Variants in GCLC observed in about 807,000 individuals in gnomAD.
GCLC encodes the protein glutamate-cysteine ligase catalytic subunit.
In GCLC, 30 loss-of-function variants were observed where a neutral mutation model predicts 81.5. The ratio of observed to expected loss-of-function variants is 0.37; its 90% CI spans 0.28 to 0.50. The LOEUF (loss-of-function observed/expected upper bound fraction) is 0.50. Among genes scored for constraint, GCLC ranks in the 20% least tolerant of loss-of-function variants. GCLC has a pLI of 0.96. For synonymous variants in GCLC, 262 were observed against 273.3 expected (o/e 0.96, Z 0.41); for missense variants, 556 against 777.4 (o/e 0.72, Z 3.39).
intron 1 of GCLC, among the ~76,000 whole-genome samples, chr6:53,543,502 C>G (rs556291991): frequency 6.6e-6 from 1 of 151,200 alleles, no homozygotes; most frequent in Non-Finnish European, 1.5e-5. Context: ...TGTAACAGCA[C>G]GTCAGCACTT....
At chr6:53,519,650 T>G (rs1025100482) in intron 3 of GCLC, among the ~76,000 whole-genome samples, 1 of 152,072 alleles carries the variant, frequency 6.6e-6, no homozygotes, top group Non-Finnish European at 1.5e-5. Flanking sequence ...GGGCCAATGA[T>G]TTTTCACCTC....
rs778685056 is a variant in GCLC, at chr6:53,499,010, A to G, written c.1703-43T>C. Reference sequence around the variant, plus strand: ...GCGAAAAAAAAATTAAAACCACGTAAGTTTTTTTTTTAATAAGTTGATATT... The same window carrying G: ...GCGAAAAAAAAATTAAAACCACGTAGGTTTTTTTTTTAATAAGTTGATATT... On this transcript the variant is annotated intron_variant, in intron 15 of 15. Transcript: ENST00000650454. 109 of 1,301,400 alleles carry G rather than the reference A, an allele frequency of 8.4e-5. 2 individuals carry two copies. The Middle Eastern group carries it at 1.6e-3, about 19-fold the overall frequency. 80.6% of individuals were successfully genotyped at this position (1,301,400 alleles called of 1,614,324 possible).
At chr6:53,523,507 GT>G (rs751415032) in intron 1 of GCLC, among the ~76,000 whole-genome samples, 12 of 152,148 alleles carry the variant, frequency 7.9e-5, no homozygotes, top group Non-Finnish European at 1.5e-4. Flanking sequence ...TACAATAGTA[GT>G]TTAGAAAAAA....
rs564458569 is a variant in GCLC at position 53,532,919 on chromosome 6, A to C, written c.151-10392T>G. Among the ~76,000 whole-genome samples the C allele has an allele frequency of 2.6e-5, 4 of 152,352 alleles. No individual in the cohort carries two copies. The South Asian group carries it at 8.3e-4, about 32-fold the overall frequency. On this transcript the variant is annotated intron_variant, in intron 1 of 15. Coordinates refer to ENST00000650454, the MANE Select transcript of GCLC (RefSeq NM_001498.4). ...AACAGACACAAAAATCTAATACAGA[A>C]AGCTCTTTAGAGATCATCCATCAGA...
In GCLC at chr6:53,498,821, C is replaced by A. The variant is rs1764435276; in HGVS notation, c.1849G>T (p.Glu617Ter). 1 of 1,613,560 alleles carries A rather than the reference C, an allele frequency of 6.2e-7. No individual in the cohort carries two copies. The highest frequency in any genetic ancestry group is 8.5e-7 in the Non-Finnish European group (1 of 1,179,544). ...QIANELCECP[E>*]LLGSAFRKVK... ...TTCCTAAATGCTGATCCAAGTAACT[C>A]TGGGCATTCACATAATTCATTTGCA... Residue 617 changes from glutamate (E) to a stop codon, truncating the protein, a stop_gained, in exon 16 of 16, where the codon GAG becomes TAG. Transcript: ENST00000650454. LOFTEE classifies it high-confidence loss of function.
intron 3 of GCLC, among the ~76,000 whole-genome samples, chr6:53,516,991 C>T (rs190247053): frequency 1.9e-4 from 29 of 151,056 alleles, no homozygotes; most frequent in Middle Eastern, 3.4e-3. Flanking sequence ...AAAGACTAAG[C>T]GAAAGCCAAA....
At position 53,500,033 on chromosome 6, in the gene GCLC, T is replaced by C. The variant is rs1372315680; in HGVS notation, c.1702+12A>G. Reference sequence around the variant, plus strand: ...GTCTATATTATGAGATTAAGAAAAATAGATATCATACCAGATGCTCTCTTC... The same window carrying C: ...GTCTATATTATGAGATTAAGAAAAACAGATATCATACCAGATGCTCTCTTC... On this transcript the variant is annotated intron_variant, in intron 15 of 15. Transcript: ENST00000650454. 7 of 1,572,140 alleles carry C rather than the reference T, an allele frequency of 4.5e-6. 1 individual carries two copies. The African/African-American group carries it at 5.4e-5, about 12-fold the overall frequency.
chr6:53,507,124 A>G (rs556418163), intron 9 of GCLC, 99 bp from the exon 10 acceptor site: 1 of 759,194 alleles, frequency 1.3e-6, no homozygotes, highest in South Asian at 1.4e-5. Flanking sequence ...GTTTGAAGAA[A>G]GGGTGTCTAG....
chr6:53,544,147 G>A (rs1763405030), intron 1 of GCLC, among the ~76,000 whole-genome samples: 1 of 152,234 alleles, frequency 6.6e-6, no homozygotes, highest in African/African-American at 2.4e-5. Flanking sequence ...AGCCTGTAAG[G>A]TGGATCATGG....
At chr6:53,533,339 C>G (rs556614551) in intron 1 of GCLC, among the ~76,000 whole-genome samples, 1 of 152,322 alleles carries the variant, frequency 6.6e-6, no homozygotes, top group East Asian at 1.9e-4. Context: ...TCTCCCAAAT[C>G]CTTAATATGT....
chr6:53,510,936 G>C (rs956300161), intron 6 of GCLC, among the ~76,000 whole-genome samples: 1 of 152,124 alleles, frequency 6.6e-6, no homozygotes, highest in Non-Finnish European at 1.5e-5. Flanking sequence ...AATTGATAAG[G>C]GTTGGCAATT....
chr6:53,514,987 G>C (rs1764837514), intron 4 of GCLC, among the ~76,000 whole-genome samples: 1 of 152,066 alleles, frequency 6.6e-6, no homozygotes, highest in Non-Finnish European at 1.5e-5. Flanking sequence ...GGCACACAGT[G>C]GCCACTGAGT....
At chr6:53,533,570 A>AG (rs11325697) in intron 1 of GCLC, among the ~76,000 whole-genome samples, 1 of 152,070 alleles carries the variant, frequency 6.6e-6, no homozygotes, top group African/African-American at 2.4e-5. Flanking sequence ...GAAAGGTTGC[A>AG]GGGGGAATGA....
At chr6:53,500,770 A>AACG (rs1764495606) in intron 12 of GCLC, 2 of 525,120 alleles carry the variant, frequency 3.8e-6, no homozygotes, top group South Asian at 4.1e-5. Context: ...ATTCATGTGG[A>AACG]ACGTCTGCAT....
At chr6:53,502,668 G>A (rs1388122060) in intron 12 of GCLC, among the ~76,000 whole-genome samples, 4 of 152,192 alleles carry the variant, frequency 2.6e-5, no homozygotes, top group South Asian at 2.1e-4. Context: ...AGCTCTTGTC[G>A]GCATCTGTCC....
chr6:53,511,207 G>GGT (rs1465608580), intron 6 of GCLC, among the ~76,000 whole-genome samples: 4 of 147,132 alleles, frequency 2.7e-5, no homozygotes, highest in Non-Finnish European at 6.0e-5. Flanking sequence ...AAAGTGGGGG[G>GGT]GGGGTGCTAA....
chr6:53,536,970 G>A (rs1393620032), intron 1 of GCLC, among the ~76,000 whole-genome samples: 1 of 152,084 alleles, frequency 6.6e-6, no homozygotes, highest in Non-Finnish European at 1.5e-5. Context: ...TCTACTTTTT[G>A]AGAACTAGAC....
At chr6:53,536,434 G>C (rs988775013) in intron 1 of GCLC, among the ~76,000 whole-genome samples, 1 of 152,140 alleles carries the variant, frequency 6.6e-6, no homozygotes, top group Non-Finnish European at 1.5e-5. Flanking sequence ...AATATGTGCA[G>C]TTAACTTTAT....
chr6:53,523,905 G>A (rs1329452045), intron 1 of GCLC: 2 of 151,414 alleles, frequency 1.3e-5, no homozygotes, highest in Admixed American at 6.6e-5. Flanking sequence ...TGCTTGATTT[G>A]GGTACACGAA....
Sources: gnomAD v4.1 joint callset for allele counts (sites outside exome capture counted in the v4.1 genomes callset) on GRCh38, gnomAD v4.1.1 for gene constraint, MANE v1.5 for transcripts, NCBI Gene and HGNC (gene_info 2026-07-23, HGNC 2026-07-21) for gene names.